OGG1: variants seen among roughly 807,000 people sequenced by gnomAD.
OGG1 encodes the protein N-glycosylase/DNA lyase.
A neutral mutation model predicts 42.3 loss-of-function variants in OGG1; 35 were observed. The ratio of observed to expected loss-of-function variants is 0.83; its 90% confidence interval spans 0.63 to 1.10. The LOEUF (loss-of-function observed/expected upper bound fraction) is 1.10. Among genes scored for constraint, OGG1 ranks in the 50% least tolerant of loss-of-function variants. OGG1 has a pLI of 0.00. For synonymous variants in OGG1, 189 were observed against 179.0 expected, an observed-to-expected ratio of 1.06 and a Z score of -0.44; for missense variants, 484 against 446.7, an observed-to-expected ratio of 1.08 and a Z score of -0.75.
chr3:9,756,916 G>T (rs1221059748), intron 6 of OGG1, 100 bp downstream of exon 6: 2 of 1,612,022 alleles, frequency 1.2e-6, no homozygotes, highest in East Asian at 4.5e-5. Context: ...GGACTCTCCA[G>T]CCACCCCTGT....
intron 3 of OGG1, among the ~76,000 whole-genome samples, chr3:9,785,088 C>T (rs902330199): frequency 2.6e-4 from 39 of 152,196 alleles, no homozygotes; most frequent in African/African-American, 8.9e-4. Context: ...CATTCCCCTT[C>T]AGCAGGACAT....
chr3:9,752,975 G>C (rs938217439), intron 3 of OGG1, among the ~76,000 whole-genome samples: 8 of 152,082 alleles, frequency 5.3e-5, no homozygotes, highest in Non-Finnish European at 1.0e-4. Flanking sequence ...TTGAACCCGG[G>C]AGCAGGAGGC....
intron 3 of OGG1, chr3:9,785,188 G>T: frequency 1.5e-6 from 1 of 649,730 alleles, no homozygotes; most frequent in Non-Finnish European, 2.7e-6. Context: ...ACTCACACTT[G>T]AGACTGCTAT....
At chr3:9,760,696 G>C, downstream of OGG1, 1 of 1,614,026 alleles carries the variant, frequency 6.2e-7, no homozygotes, top group Non-Finnish European at 8.5e-7. Context: ...AGTCAAACTC[G>C]TACTCGGCCT....
At chr3:9,757,553 G>A (rs772680696), downstream of OGG1, 13 of 1,613,576 alleles carry the variant, frequency 8.1e-6, no homozygotes, top group African/African-American at 1.5e-4. The surrounding 1 kb of genome is among the most constrained non-coding windows in gnomAD (Gnocchi z 4.5). Context: ...AGCTGGTGGG[G>A]CAGTGTGGGG....
At chr3:9,761,583 C>T (rs1285552578), downstream of OGG1, 2 of 1,613,396 alleles carry the variant, frequency 1.2e-6, no homozygotes, top group Non-Finnish European at 1.7e-6. Context: ...TGCCCTTCAA[C>T]TCCTGGTTCC....
At chr3:9,784,575 T>C (rs1457763324) in intron 3 of OGG1, among the ~76,000 whole-genome samples, 2 of 151,912 alleles carry the variant, frequency 1.3e-5, no homozygotes, top group Admixed American at 6.6e-5. Context: ...TTAAATATAT[T>C]GTAAGTAAGC....
At chr3:9,776,359 GCA>G (rs1037321250) in intron 2 of OGG1, among the ~76,000 whole-genome samples, 4 of 149,826 alleles carry the variant, frequency 2.7e-5, no homozygotes, top group African/African-American at 9.8e-5. Flanking sequence ...TGCCAACTTT[GCA>G]CAGTCTTCTT....
intron 3 of OGG1, chr3:9,786,937 A>AC: frequency 7.1e-7 from 1 of 1,410,420 alleles, no homozygotes; most frequent in South Asian, 1.2e-5. Flanking sequence ...ATAAATTCCG[A>AC]TAAAAAATAA....
chr3:9,784,119 C>T (rs753950513), intron 3 of OGG1: 7 of 1,614,226 alleles, frequency 4.3e-6, no homozygotes, highest in African/African-American at 1.3e-5. Context: ...ACCTCATCCT[C>T]GGAGTCCTCT....
intron 3 of OGG1, chr3:9,787,442 G>C (rs553667482): frequency 6.8e-7 from 1 of 1,463,616 alleles, no homozygotes; most frequent in Non-Finnish European, 9.1e-7. Context: ...CAAGTCCCTA[G>C]TCCAAGGCCA....
At chr3:9,766,008 C>G (rs1432985063) in exon 8 of OGG1, 5 of 1,614,036 alleles carry the variant, frequency 3.1e-6, no homozygotes, top group Non-Finnish European at 3.4e-6. Context: ...GATGACCCTC[C>G]CCTAGTCACT....
At position 9,751,010 on chromosome 3, in the gene OGG1, A is replaced by T. The variant is rs771548257; in HGVS notation, c.203A>T (p.Gln68Leu). Residue 68 changes from glutamine to leucine, a missense_variant, in exon 2 of 7, where the codon CAG (glutamine) becomes CTG (leucine). Physicochemically the swap from Gln to Leu is moderately radical, Grantham distance 113. Coordinates refer to ENST00000344629, the MANE Select transcript of OGG1 (RefSeq NM_002542.6). ...GCGGATCAAGTATGGACACTGACTC[A>T]GACTGAGGAGCAGCTCCACTGCACT... ...VLADQVWTLT[Q>L]TEEQLHCTVY... 1 of 1,614,036 alleles carries T rather than the reference A, an allele frequency of 6.2e-7. No individual in the cohort carries two copies. The highest frequency in any genetic ancestry group is 2.2e-5 in the East Asian group (1 of 44,888).
downstream of OGG1, chr3:9,760,685 GAGTC>G: frequency 6.2e-7 from 1 of 1,614,066 alleles, no homozygotes; most frequent in Non-Finnish European, 8.5e-7. Context: ...CCAGTAAGGA[GAGTC>G]AAACTCGTAC....
chr3:9,787,732 ATTT>A, exon 4 of OGG1: 2 of 1,293,946 alleles, frequency 1.5e-6, no homozygotes, highest in South Asian at 2.5e-5. Flanking sequence ...TTTCAGATAA[ATTT>A]TTAAGAAATC....
At chr3:9,786,221 G>A (rs377308746) in intron 3 of OGG1, among the ~76,000 whole-genome samples, 14 of 152,308 alleles carry the variant, frequency 9.2e-5, no homozygotes, top group East Asian at 3.9e-4. Flanking sequence ...TTACAGGCGT[G>A]AGCCACCGCG....
chr3:9,750,252 G>A lies in OGG1; in HGVS notation c.-35G>A, dbSNP rs1250316231. On this transcript the variant is annotated 5_prime_UTR_variant, in exon 1 of 7. Transcript: ENST00000344629. ...CGTCGACGAGGCCTGGTTCTGGGTAGGCGGGGCTACTACGGGGCGGTGCCT... is the reference window on the plus strand; with the variant it reads ...CGTCGACGAGGCCTGGTTCTGGGTAAGCGGGGCTACTACGGGGCGGTGCCT... 1 of 1,595,478 alleles carries A rather than the reference G, an allele frequency of 6.3e-7. No homozygotes were observed. The highest frequency in any genetic ancestry group is 1.1e-5 in the South Asian group (1 of 89,546).
chr3:9,774,211 C>G (rs921034878), intron 2 of OGG1, among the ~76,000 whole-genome samples: 1 of 152,116 alleles, frequency 6.6e-6, no homozygotes, highest in Non-Finnish European at 1.5e-5. Context: ...GAGTTCAAGA[C>G]CAGCCTGGGC....
At chr3:9,758,051 G>A (rs1008308820), downstream of OGG1, 1 of 671,546 alleles carries the variant, frequency 1.5e-6, no homozygotes, top group Non-Finnish European at 2.4e-6. Flanking sequence ...TTAGATGTAT[G>A]TGTATCTATA....
Sources: gnomAD v4.1 joint callset for allele counts (sites outside exome capture counted in the v4.1 genomes callset) on GRCh38, gnomAD v4.1.1 for gene constraint, Gnocchi (gnomAD v3.1) non-coding constraint, MANE v1.5 for transcripts, NCBI Gene and HGNC (gene_info 2026-07-23, HGNC 2026-07-21) for gene names.